TAMM41: variants seen among roughly 807,000 people sequenced by gnomAD.
TAMM41 encodes TAM41 mitochondrial translocator assembly and maintenance homolog, also known as phosphatidate cytidylyltransferase, mitochondrial.
In TAMM41, 36 loss-of-function variants were observed where a neutral mutation model predicts 44.1. The observed-to-expected ratio is 0.82, with a 90% CI of 0.63 to 1.08. TAMM41 has a LOEUF of 1.08. Among genes scored for constraint, TAMM41 ranks in the 50% least tolerant of loss-of-function variants. The probability of loss-of-function intolerance (pLI) is 0.00; values close to 1 mark genes in which losing one functional copy is unlikely to be tolerated. For missense variants in TAMM41, 417 were observed against 404.3 expected (o/e 1.03, Z -0.27); for synonymous variants, 164 against 153.1 (o/e 1.07, Z -0.53).
the TAMM41 span, among the ~76,000 whole-genome samples, chr3:11,780,373 C>T: frequency 1.3e-5 from 2 of 152,186 alleles, no homozygotes; most frequent in Admixed American, 1.3e-4. Flanking sequence ...AATACTCTTC[C>T]TTCTCCTCTG....
chr3:11,843,947 A>G (rs2079558826), intron 2 of TAMM41, 82 bp downstream of exon 2: 1 of 1,432,226 alleles, frequency 7.0e-7, no homozygotes. Flanking sequence ...TCCTGACCAC[A>G]AGAACATACA....
the TAMM41 span, among the ~76,000 whole-genome samples, chr3:11,770,179 T>TG: frequency 5.9e-5 from 9 of 152,186 alleles, no homozygotes; most frequent in Admixed American, 5.9e-4. Context: ...CTGGCCTCTG[T>TG]GGGGCTGCAC....
At chr3:11,789,682 C>T (rs2077440172), downstream of TAMM41, among the ~76,000 whole-genome samples, 1 of 152,184 alleles carries the variant, frequency 6.6e-6, no homozygotes, top group Admixed American at 6.5e-5. Context: ...TGAAACCAGA[C>T]AGAGGCTTGC....
chr3:11,829,346 T>A (rs990964178), intron 4 of TAMM41, among the ~76,000 whole-genome samples: 1 of 152,126 alleles, frequency 6.6e-6, no homozygotes, highest in Non-Finnish European at 1.5e-5. Context: ...AGGCTAAAGT[T>A]TGAAAACCAC....
chr3:11,799,717 G>C (rs1309181290), intron 7 of TAMM41, among the ~76,000 whole-genome samples: 2 of 152,210 alleles, frequency 1.3e-5, no homozygotes, highest in East Asian at 1.9e-4. Context: ...AAGTGTGTCA[G>C]ATATCCAGAT....
intron 5 of TAMM41, among the ~76,000 whole-genome samples, chr3:11,812,429 C>T (rs745691836): frequency 2.8e-4 from 42 of 152,108 alleles, no homozygotes; most frequent in Non-Finnish European, 5.1e-4. Context: ...TTACGCTGTA[C>T]TATATTCCCA....
chr3:11,754,800 G>C, the TAMM41 span, among the ~76,000 whole-genome samples: 4 of 144,300 alleles, frequency 2.8e-5, no homozygotes, highest in African/African-American at 1.0e-4. Context: ...CCTGGCTCAA[G>C]TGATTCTCCT....
chr3:11,763,063 A>G, the TAMM41 span, among the ~76,000 whole-genome samples: 1 of 152,184 alleles, frequency 6.6e-6, no homozygotes, highest in Non-Finnish European at 1.5e-5. Flanking sequence ...AATAAAAGAA[A>G]TTGATTTTGA....
At chr3:11,770,601 G>C in the TAMM41 span, among the ~76,000 whole-genome samples, 3 of 152,182 alleles carry the variant, frequency 2.0e-5, no homozygotes, top group Non-Finnish European at 4.4e-5. Flanking sequence ...TGCTGAGCGC[G>C]TGCTGATCTG....
At chr3:11,833,040 G>C (rs1038655372) in intron 3 of TAMM41, 1 of 1,198,686 alleles carries the variant, frequency 8.3e-7, no homozygotes, top group African/African-American at 1.6e-5. Flanking sequence ...TTCTGCTACT[G>C]TGCTGATCTG....
the TAMM41 span, among the ~76,000 whole-genome samples, chr3:11,776,981 T>G: frequency 6.6e-6 from 1 of 152,212 alleles, no homozygotes; most frequent in Non-Finnish European, 1.5e-5. Context: ...GAATCGTAGT[T>G]CCTAGGGGTC....
chr3:11,801,273 A>T (rs2077745939), intron 7 of TAMM41, among the ~76,000 whole-genome samples: 1 of 152,202 alleles, frequency 6.6e-6, no homozygotes, highest in Non-Finnish European at 1.5e-5. Flanking sequence ...ATACAAGTAC[A>T]TGGAAATTAA....
chr3:11,810,321 G>A (rs2078048428), intron 5 of TAMM41, among the ~76,000 whole-genome samples: 1 of 152,162 alleles, frequency 6.6e-6, no homozygotes, highest in Non-Finnish European at 1.5e-5. Context: ...AGCGGCTTCG[G>A]TTCCCAAAGT....
the TAMM41 span, among the ~76,000 whole-genome samples, chr3:11,734,507 T>G: frequency 6.6e-6 from 1 of 152,174 alleles, no homozygotes. Context: ...TTCACTGCCT[T>G]TGACCCTGAG....
chr3:11,732,999 T>TG, the TAMM41 span, among the ~76,000 whole-genome samples: 1 of 106,668 alleles, frequency 9.4e-6, no homozygotes, highest in East Asian at 3.5e-4. Flanking sequence ...GTTTTTTTTT[T>TG]GTTTGTTTGT....
the TAMM41 span, among the ~76,000 whole-genome samples, chr3:11,777,276 A>G: frequency 6.6e-6 from 1 of 152,198 alleles, no homozygotes; most frequent in African/African-American, 2.4e-5. Context: ...CTATACTTCA[A>G]TAAAGCCGGA....
chr3:11,807,348 C>A lies in TAMM41; in HGVS notation c.937+485G>T, dbSNP rs999536147. On this transcript the variant is annotated intron_variant, in intron 7 of 7. Coordinates refer to ENST00000455809, the MANE Select transcript of TAMM41 (RefSeq NM_001284401.2). The stretch of plus-strand genomic sequence containing the variant: ...GGGTGCCAGAGTTGACTTCTAACCT[C>A]CCATAGAGAGAAGTCAATAGATGAT... 10 of 1,474,338 alleles carry A rather than the reference C, an allele frequency of 6.8e-6. No individual in the cohort carries two copies. The African/African-American group carries it at 9.9e-5, about 15-fold the overall frequency. The allele number at this position is 1,474,338 out of a possible 1,614,324, so 91.3% of individuals were successfully genotyped here.
the TAMM41 span, among the ~76,000 whole-genome samples, chr3:11,767,154 C>T: frequency 2.0e-4 from 31 of 152,186 alleles, no homozygotes; most frequent in South Asian, 4.2e-4. Context: ...CTGCAACCTC[C>T]GCCCTCTGGG....
the TAMM41 span, among the ~76,000 whole-genome samples, chr3:11,753,793 C>A: frequency 1.3e-5 from 2 of 151,798 alleles, no homozygotes; most frequent in Non-Finnish European, 2.9e-5. Flanking sequence ...CCAGGAGGAG[C>A]AGACCTAAAA....
Sources: allele counts gnomAD v4.1 joint callset (sites outside exome capture counted in the v4.1 genomes callset), GRCh38; gene constraint gnomAD v4.1.1; transcripts MANE v1.5; gene names NCBI Gene and HGNC (gene_info 2026-07-23, HGNC 2026-07-21).